CDKL3: variants seen among roughly 807,000 people sequenced by gnomAD.
CDKL3 encodes cyclin-dependent kinase-like 3.
CDKL3 carries 65 observed loss-of-function variants against 69.3 expected under a neutral mutation model. The ratio of observed to expected loss-of-function variants is 0.94; its 90% confidence interval spans 0.77 to 1.15. The LOEUF is 1.15. Among genes scored for constraint, CDKL3 ranks in the 50% most tolerant of loss-of-function variants. CDKL3 has a pLI of 0.00. For synonymous variants in CDKL3, 202 were observed against 221.6 expected, an observed-to-expected ratio of 0.91 and a Z score of 0.79; for missense variants, 652 against 689.2, an observed-to-expected ratio of 0.95 and a Z score of 0.61.
rs187359345 is a variant in CDKL3, at chr5:134,325,795, G to A, written c.540-3892C>T. On this transcript the variant is annotated intron_variant, in intron 4 of 12. Coordinates refer to ENST00000265334, the MANE Select transcript of CDKL3 (RefSeq NM_001113575.2). Reference sequence around the variant, plus strand: ...ATTATTTTTTTTGAGATGGAGTCTCGCTCTGTCGCCCAGGCTGGAGTGCAG... The same window carrying A: ...ATTATTTTTTTTGAGATGGAGTCTCACTCTGTCGCCCAGGCTGGAGTGCAG... Among the ~76,000 whole-genome samples, 8 of 151,780 alleles carry A rather than the reference G, an allele frequency of 5.3e-5. No homozygotes were observed. The East Asian group carries it at 9.7e-4, about 18-fold the overall frequency.
chr5:134,293,810 A>T (rs986154729), downstream of CDKL3, among the ~76,000 whole-genome samples: 1 of 151,834 alleles, frequency 6.6e-6, no homozygotes, highest in Non-Finnish European at 1.5e-5. Context: ...TACAAAAAAA[A>T]ATTTTTTAAA....
At chr5:134,311,723 G>A (rs186708538) in intron 7 of CDKL3, among the ~76,000 whole-genome samples, 4 of 152,204 alleles carry the variant, frequency 2.6e-5, no homozygotes, top group African/African-American at 7.2e-5. Context: ...AGTATGTAAA[G>A]AGCAGAGCAC....
intron 7 of CDKL3, among the ~76,000 whole-genome samples, chr5:134,309,745 C>T (rs759345624): frequency 1.3e-5 from 2 of 152,172 alleles, no homozygotes; most frequent in East Asian, 1.9e-4. Context: ...TTTCACCCCA[C>T]AATAATAGAA....
At position 134,359,900 on chromosome 5, in the gene CDKL3, A is replaced by C; in HGVS notation, c.357T>G (p.Asn119Lys). Reference protein sequence around the residue: ...ILRAIDYLHSNNIIHRDIKPE... With the variant: ...ILRAIDYLHSKNIIHRDIKPE... Reference sequence around the variant, plus strand: ...TGGCTTATTCTGAAGCACTTACATTATTACTGTGAAGATAGTCAATTGCTC... The same window carrying C: ...TGGCTTATTCTGAAGCACTTACATTCTTACTGTGAAGATAGTCAATTGCTC... Residue 119 changes from asparagine to lysine, a missense_variant, in exon 3 of 13, where the codon AAT becomes AAG. Physicochemically the swap from Asn to Lys is moderately conservative, Grantham distance 94. Transcript: ENST00000265334. 2.5e-6 allele frequency: 4 copies of C among 1,575,278 alleles called. No individual in the cohort carries two copies. Among genetic ancestry groups the C allele is most frequent in the Non-Finnish European group, 2.6e-6 (3 of 1,159,802 alleles).
At chr5:134,337,209 C>T (rs182439481) in intron 4 of CDKL3, among the ~76,000 whole-genome samples, 32 of 152,320 alleles carry the variant, frequency 2.1e-4, no homozygotes, top group Admixed American at 2.0e-3. Flanking sequence ...ATGGGGAAAG[C>T]ACAGAATTTG....
intron 10 of CDKL3, among the ~76,000 whole-genome samples, chr5:134,305,476 T>G (rs2149433462): frequency 6.6e-6 from 1 of 152,318 alleles, no homozygotes; most frequent in East Asian, 1.9e-4. Context: ...TTGAACAAAT[T>G]GCTTCAGTTC....
At chr5:134,370,677 T>C (rs1758285546), upstream of CDKL3, among the ~76,000 whole-genome samples, 1 of 152,188 alleles carries the variant, frequency 6.6e-6, no homozygotes. Context: ...TTTCCAATAC[T>C]AGAAACCCCA....
intron 2 of CDKL3, among the ~76,000 whole-genome samples, chr5:134,361,184 G>A (rs901584358): frequency 1.1e-4 from 17 of 151,630 alleles, no homozygotes; most frequent in African/African-American, 4.1e-4. Flanking sequence ...AATCAATTCT[G>A]AAATATTTAA....
chr5:134,293,039 A>C, intron 8 of CDKL3, among the ~76,000 whole-genome samples: 1 of 23,430 alleles, frequency 4.3e-5, no homozygotes, highest in Non-Finnish European at 9.6e-5. Flanking sequence ...TTTTTTTTTG[A>C]GACGGAGTTT....
upstream of CDKL3, among the ~76,000 whole-genome samples, chr5:134,367,563 G>C (rs1213248167): frequency 3.3e-5 from 5 of 151,444 alleles, no homozygotes; most frequent in Admixed American, 1.3e-4. Context: ...AGTAGAGACG[G>C]GGTTTCTACC....
chr5:134,316,735 G>A (rs925845391), intron 6 of CDKL3, among the ~76,000 whole-genome samples: 3 of 152,076 alleles, frequency 2.0e-5, no homozygotes, highest in Admixed American at 2.0e-4. Flanking sequence ...CGCAATCACT[G>A]AAAACTATCA....
intron 4 of CDKL3, among the ~76,000 whole-genome samples, chr5:134,342,531 C>T (rs892393593): frequency 2.3e-4 from 35 of 151,024 alleles, no homozygotes; most frequent in Non-Finnish European, 5.9e-5. Flanking sequence ...ACCTGGGAGG[C>T]GGAGCTTGCA....
At chr5:134,358,495 T>C (rs1002764406) in intron 3 of CDKL3, among the ~76,000 whole-genome samples, 1 of 152,106 alleles carries the variant, frequency 6.6e-6, no homozygotes, top group Non-Finnish European at 1.5e-5. Flanking sequence ...ATAACACCAC[T>C]ATTCTTGACT....
chr5:134,322,416 G>T (rs1280897772), intron 4 of CDKL3, among the ~76,000 whole-genome samples: 2 of 152,178 alleles, frequency 1.3e-5, no homozygotes, highest in Non-Finnish European at 2.9e-5. Flanking sequence ...ACTGTTCTGG[G>T]AGTGTAAACT....
chr5:134,349,772 T>C (rs972909532), intron 4 of CDKL3, among the ~76,000 whole-genome samples: 6 of 152,164 alleles, frequency 3.9e-5, no homozygotes, highest in Non-Finnish European at 7.4e-5. Flanking sequence ...TGCAGGTACC[T>C]AAAGGATCTG....
At chr5:134,304,920 A>C (rs1372338668) in intron 10 of CDKL3, among the ~76,000 whole-genome samples, 1 of 150,670 alleles carries the variant, frequency 6.6e-6, no homozygotes, top group African/African-American at 2.4e-5. Flanking sequence ...TGATCTTCCC[A>C]CCTCAGTCTC....
intron 12 of CDKL3, chr5:134,299,810 A>G (rs1765882542): frequency 2.7e-6 from 3 of 1,092,252 alleles, no homozygotes; most frequent in Non-Finnish European, 4.0e-6. Flanking sequence ...TGGCTAAGGA[A>G]ATACAGCCAG....
At chr5:134,328,635 C>T (rs912472435) in intron 4 of CDKL3, among the ~76,000 whole-genome samples, 4 of 152,088 alleles carry the variant, frequency 2.6e-5, no homozygotes, top group African/African-American at 9.7e-5. Flanking sequence ...AAACTGCCCA[C>T]ATTTATTGCA....
chr5:134,369,827 G>T (rs912477633), upstream of CDKL3, among the ~76,000 whole-genome samples: 2 of 152,118 alleles, frequency 1.3e-5, no homozygotes, highest in Admixed American at 1.3e-4. Flanking sequence ...ACAGGCATGA[G>T]CTAATGCCCC....
Sources: allele counts gnomAD v4.1 joint callset (sites outside exome capture counted in the v4.1 genomes callset), GRCh38; gene constraint gnomAD v4.1.1; transcripts MANE v1.5; gene names NCBI Gene and HGNC (gene_info 2026-07-23, HGNC 2026-07-21).